The following ANAPC10 variants were observed in gnomAD, a reference collection of about 807,000 sequenced individuals.
The protein encoded by ANAPC10 is anaphase-promoting complex subunit 10.
Under a neutral mutation model 22.0 loss-of-function variants are expected in ANAPC10, and 12 were observed. The observed-to-expected ratio is 0.55, with a 90% CI of 0.35 to 0.88. The LOEUF is 0.88. ANAPC10 is among the 40% of genes least tolerant of loss of function. The pLI, the probability that ANAPC10 is intolerant of heterozygous loss-of-function variation, is 0.01. For missense variants in ANAPC10, 188 were observed against 220.9 expected (o/e 0.85, Z 0.94); for synonymous variants, 65 against 69.5 (o/e 0.94, Z 0.32).
intron 4 of ANAPC10, among the ~76,000 whole-genome samples, chr4:145,024,087 A>G (rs1306374717): frequency 6.6e-6 from 1 of 152,188 alleles, no homozygotes; most frequent in South Asian, 2.1e-4. Context: ...TTGCTCATCA[A>G]TAAGATGCAA....
In ANAPC10 at chr4:145,081,656, T is replaced by C. The variant is rs1378035291; in HGVS notation, c.206+4A>G. 1 of 1,595,160 alleles carries C rather than the reference T, an allele frequency of 6.3e-7. No homozygotes were observed. Among genetic ancestry groups the C allele is most frequent in the Non-Finnish European group, 8.6e-7 (1 of 1,167,294 alleles). Reference sequence around the variant, plus strand: ...GATGAAAAATTTGAAAATGTATTAATTACCTGAATTGGATGTTCACTAAAT... The same window carrying C: ...GATGAAAAATTTGAAAATGTATTAACTACCTGAATTGGATGTTCACTAAAT... On this transcript the variant is annotated splice_donor_region_variant and intron_variant, in intron 3 of 4. Coordinates refer to ENST00000507656, the MANE Select transcript of ANAPC10 (RefSeq NM_001256706.2).
At chr4:145,008,437 A>G (rs1733765790) in intron 4 of ANAPC10, among the ~76,000 whole-genome samples, 1 of 152,230 alleles carries the variant, frequency 6.6e-6, no homozygotes, top group Non-Finnish European at 1.5e-5. Flanking sequence ...AAAATCATCA[A>G]TAAAATACTG....
chr4:145,023,930 T>A (rs959326534), intron 4 of ANAPC10, among the ~76,000 whole-genome samples: 3 of 152,184 alleles, frequency 2.0e-5, no homozygotes, highest in Non-Finnish European at 4.4e-5. Flanking sequence ...AAGGCAAAAC[T>A]TTCAAAATTG....
At chr4:145,085,844 G>C (rs760927345) in intron 2 of ANAPC10, among the ~76,000 whole-genome samples, 6 of 150,680 alleles carry the variant, frequency 4.0e-5, no homozygotes, top group Non-Finnish European at 8.9e-5. Flanking sequence ...TTCCCACTCA[G>C]TATTGTATTT....
chr4:145,004,874 T>C (rs549470724), intron 4 of ANAPC10, among the ~76,000 whole-genome samples: 5 of 152,238 alleles, frequency 3.3e-5, no homozygotes, highest in Admixed American at 1.3e-4. Context: ...CAGAATGAAT[T>C]AGGGGAGTCC....
chr4:145,036,539 G>A (rs1472396340), intron 4 of ANAPC10, among the ~76,000 whole-genome samples: 1 of 152,002 alleles, frequency 6.6e-6, no homozygotes, highest in African/African-American at 2.4e-5. Context: ...TAAGAGATTG[G>A]GGTCTTACTA....
chr4:145,068,599 A>G (rs1744039232), intron 3 of ANAPC10, among the ~76,000 whole-genome samples: 1 of 152,210 alleles, frequency 6.6e-6, no homozygotes, highest in Admixed American at 6.5e-5. Context: ...ATTCTTCCAT[A>G]TATGTTCCTG....
chr4:145,021,262 C>T (rs1190208557), intron 4 of ANAPC10, among the ~76,000 whole-genome samples: 1 of 152,136 alleles, frequency 6.6e-6, no homozygotes, highest in Non-Finnish European at 1.5e-5. Flanking sequence ...ATCACACTAC[C>T]TGATTTCAAA....
intron 4 of ANAPC10, among the ~76,000 whole-genome samples, chr4:145,000,333 C>T (rs1271401071): frequency 6.6e-6 from 1 of 151,982 alleles, no homozygotes; most frequent in Non-Finnish European, 1.5e-5. Context: ...TATCCAGAAT[C>T]TAAAAAGAAC....
At chr4:145,020,656 C>A (rs532352124) in intron 4 of ANAPC10, among the ~76,000 whole-genome samples, 1 of 151,992 alleles carries the variant, frequency 6.6e-6, no homozygotes, top group South Asian at 2.1e-4. Flanking sequence ...TGTTTACTGA[C>A]AATATAATCG....
chr4:145,097,331 T>C, intron 1 of ANAPC10: 1 of 476,612 alleles, frequency 2.1e-6, no homozygotes, highest in Non-Finnish European at 3.6e-6. Flanking sequence ...AAGGTTGACC[T>C]CATCTTTCAC....
At chr4:145,065,017 T>C (rs1743470165) in intron 3 of ANAPC10, among the ~76,000 whole-genome samples, 1 of 152,000 alleles carries the variant, frequency 6.6e-6, no homozygotes, top group Non-Finnish European at 1.5e-5. Flanking sequence ...TCCTCTTCAT[T>C]TGTATTTTAG....
chr4:145,094,920 A>T (rs1019919987), intron 2 of ANAPC10, among the ~76,000 whole-genome samples: 1 of 152,190 alleles, frequency 6.6e-6, no homozygotes, highest in Non-Finnish European at 1.5e-5. Flanking sequence ...TTCTATCCCA[A>T]CAAAGAGTAA....
At chr4:145,069,065 A>G (rs1744112963) in intron 3 of ANAPC10, among the ~76,000 whole-genome samples, 1 of 152,230 alleles carries the variant, frequency 6.6e-6, no homozygotes, top group Non-Finnish European at 1.5e-5. Context: ...AATAAAATAA[A>G]ACAAGAAAGT....
intron 4 of ANAPC10, among the ~76,000 whole-genome samples, chr4:145,033,702 G>GA (rs773944451): frequency 6.6e-6 from 1 of 151,868 alleles, no homozygotes; most frequent in Non-Finnish European, 1.5e-5. Context: ...ACTCCACCAG[G>GA]AAAAAAAATC....
chr4:145,058,716 ACTT>A (rs1050908903), intron 4 of ANAPC10, among the ~76,000 whole-genome samples: 20 of 152,152 alleles, frequency 1.3e-4, no homozygotes, highest in Admixed American at 9.2e-4. Flanking sequence ...TATAGATGAT[ACTT>A]CTTCTTAAAA....
At chr4:144,996,565 G>A (rs1364521701) in intron 4 of ANAPC10, among the ~76,000 whole-genome samples, 1 of 152,050 alleles carries the variant, frequency 6.6e-6, no homozygotes, top group Non-Finnish European at 1.5e-5. Flanking sequence ...TTGCCTGGGA[G>A]GAACCCACCC....
chr4:145,029,821 G>A (rs1737281619), intron 4 of ANAPC10, among the ~76,000 whole-genome samples: 1 of 152,112 alleles, frequency 6.6e-6, no homozygotes, highest in African/African-American at 2.4e-5. Context: ...TCCCAGCTGG[G>A]AGGGTCCAGA....
At chr4:145,028,279 A>C (rs1371563822) in intron 4 of ANAPC10, among the ~76,000 whole-genome samples, 1 of 152,148 alleles carries the variant, frequency 6.6e-6, no homozygotes, top group African/African-American at 2.4e-5. Flanking sequence ...AGGCAGAAAA[A>C]TGTGAAAAGG....
Sources: allele counts gnomAD v4.1 joint callset (sites outside exome capture counted in the v4.1 genomes callset), GRCh38; gene constraint gnomAD v4.1.1; transcripts MANE v1.5; gene names NCBI Gene and HGNC (gene_info 2026-07-23, HGNC 2026-07-21).